The following MTUS1 variants were observed in gnomAD, a reference collection of about 807,000 sequenced individuals.
MTUS1 encodes the protein microtubule associated scaffold protein 1, also known as microtubule-associated tumor suppressor 1.
A neutral mutation model predicts 120.8 loss-of-function variants in MTUS1; 109 were observed. The ratio of observed to expected loss-of-function variants is 0.90; its 90% CI spans 0.77 to 1.06. The LOEUF is 1.06. Among genes scored for constraint, MTUS1 ranks in the 50% least tolerant of loss-of-function variants. The pLI is 0.00. For synonymous variants in MTUS1, 737 were observed against 550.5 expected (o/e 1.34, Z -4.74); for missense variants, 2,210 against 1,486.3 (o/e 1.49, Z -8.01).
chr8:17,712,732 G>GAGAGACAT (rs1391959839), intron 6 of MTUS1, among the ~76,000 whole-genome samples: 2 of 152,028 alleles, frequency 1.3e-5, no homozygotes, highest in African/African-American at 4.8e-5. Context: ...ATGGGTTCTT[G>GAGAGACAT]AGAGACATAA....
chr8:17,679,839 A>T (rs767834775), intron 7 of MTUS1, among the ~76,000 whole-genome samples: 6 of 152,188 alleles, frequency 3.9e-5, no homozygotes, highest in Non-Finnish European at 7.3e-5. Context: ...TATACATTAC[A>T]CAATCAGTAA....
intron 6 of MTUS1, among the ~76,000 whole-genome samples, chr8:17,690,547 G>C (rs1244038022): frequency 1.3e-5 from 2 of 151,896 alleles, no homozygotes; most frequent in Non-Finnish European, 1.5e-5. Flanking sequence ...CTTCCCAAAG[G>C]AAAAGAAAAA....
chr8:17,744,014 T>G (rs1288996032), intron 2 of MTUS1, among the ~76,000 whole-genome samples: 1 of 152,134 alleles, frequency 6.6e-6, no homozygotes, highest in Non-Finnish European at 1.5e-5. Context: ...AACAGAAACC[T>G]TAAGTCAGAC....
chr8:17,764,451 A>ATT (rs2049305836), intron 1 of MTUS1, among the ~76,000 whole-genome samples: 1 of 152,156 alleles, frequency 6.6e-6, no homozygotes, highest in Non-Finnish European at 1.5e-5. Flanking sequence ...TTATGAAAGA[A>ATT]AACCCATTAA....
intron 1 of MTUS1, among the ~76,000 whole-genome samples, chr8:17,791,280 G>T (rs920203688): frequency 9.9e-5 from 15 of 152,150 alleles, no homozygotes; most frequent in African/African-American, 3.1e-4. Flanking sequence ...TTTACAATGT[G>T]CTTGCCACAA....
intron 4 of MTUS1, 80 bp downstream of exon 4, chr8:17,723,592 T>A: frequency 6.8e-7 from 1 of 1,460,948 alleles, no homozygotes; most frequent in Non-Finnish European, 9.6e-7. Flanking sequence ...AAACAAAAAT[T>A]CTAATTATTT....
intron 3 of MTUS1, among the ~76,000 whole-genome samples, chr8:17,727,755 G>A (rs566189739): frequency 6.6e-6 from 1 of 152,284 alleles, no homozygotes; most frequent in East Asian, 1.9e-4. Flanking sequence ...TCTACTTGCA[G>A]GATATTATTG....
At chr8:17,762,733 T>C (rs2049139702) in intron 1 of MTUS1, among the ~76,000 whole-genome samples, 1 of 152,216 alleles carries the variant, frequency 6.6e-6, no homozygotes, top group Non-Finnish European at 1.5e-5. Flanking sequence ...CATCCTTTTA[T>C]TCTGAAACAG....
Position 17,657,296 on chromosome 8 carries a change from C to CG in MTUS1, c.2906-1232dup, listed in dbSNP as rs542668780. 1.3e-3 allele frequency among the ~76,000 whole-genome samples: 190 copies of CG among 151,806 alleles called. 4 individuals are homozygous for CG. Among genetic ancestry groups the CG allele is most frequent in the African/African-American group, 4.4e-3 (181 of 41,422 alleles). ...TATTTTAAGAAGCTGAGACCGGGCG[C>CG]GGTGGCTCACGCCTGTAATCCCAGC... On this transcript the variant is annotated intron_variant, in intron 8 of 14. Transcript: ENST00000693296.
At chr8:17,769,595 C>T (rs2049862226) in intron 1 of MTUS1, among the ~76,000 whole-genome samples, 1 of 151,962 alleles carries the variant, frequency 6.6e-6, no homozygotes, top group South Asian at 2.1e-4. Context: ...GATCCACCCG[C>T]CTCGGCCTCC....
chr8:17,740,115 G>A (rs2047200764), intron 3 of MTUS1, among the ~76,000 whole-genome samples: 2 of 152,022 alleles, frequency 1.3e-5, no homozygotes, highest in Admixed American at 1.3e-4. Flanking sequence ...GGCTGAGGCA[G>A]CAGAATCGCT....
intron 3 of MTUS1, among the ~76,000 whole-genome samples, chr8:17,728,742 C>T (rs2046373210): frequency 6.6e-6 from 1 of 151,764 alleles, no homozygotes. Context: ...TAATTTTAGA[C>T]CTTAAATGTT....
At chr8:17,796,009 G>A (rs1404004557) in intron 1 of MTUS1, among the ~76,000 whole-genome samples, 1 of 147,830 alleles carries the variant, frequency 6.8e-6, no homozygotes, top group African/African-American at 2.5e-5. Flanking sequence ...GAGGGCAGTG[G>A]AGCGATCTCA....
intron 6 of MTUS1, among the ~76,000 whole-genome samples, chr8:17,700,643 G>T (rs189517006): frequency 6.6e-6 from 1 of 151,952 alleles, no homozygotes; most frequent in Non-Finnish European, 1.5e-5. Flanking sequence ...AGGTAGAAGA[G>T]GGAGGATTTC....
intron 1 of MTUS1, among the ~76,000 whole-genome samples, chr8:17,789,625 C>T (rs534123472): frequency 2.4e-4 from 37 of 152,282 alleles, no homozygotes; most frequent in African/African-American, 8.9e-4. Context: ...AAGTTGGCAC[C>T]TCACCTTATA....
chr8:17,775,916 G>A (rs2050390996), intron 1 of MTUS1, among the ~76,000 whole-genome samples: 1 of 152,202 alleles, frequency 6.6e-6, no homozygotes, highest in African/African-American at 2.4e-5. Flanking sequence ...AGGTGCTTAG[G>A]TTCCTACTGG....
upstream of MTUS1, chr8:17,801,387 C>T (rs1274685061): frequency 6.6e-6 from 1 of 151,840 alleles, no homozygotes. Flanking sequence ...CAGCGGCTCG[C>T]TGCGGGAGAC....
At chr8:17,718,103 A>G (rs1382148380) in intron 4 of MTUS1, among the ~76,000 whole-genome samples, 1 of 152,266 alleles carries the variant, frequency 6.6e-6, no homozygotes, top group African/African-American at 2.4e-5. Flanking sequence ...CTCAATTTCT[A>G]CTTACTGTAC....
chr8:17,787,645 T>C (rs1418802896), intron 1 of MTUS1, among the ~76,000 whole-genome samples: 2 of 152,222 alleles, frequency 1.3e-5, no homozygotes, highest in South Asian at 2.1e-4. Flanking sequence ...ATTTTCCTCA[T>C]GGACAAAAAC....
Sources: gnomAD v4.1 joint callset for allele counts (sites outside exome capture counted in the v4.1 genomes callset) on GRCh38, gnomAD v4.1.1 for gene constraint, MANE v1.5 for transcripts, NCBI Gene and HGNC (gene_info 2026-07-23, HGNC 2026-07-21) for gene names.